COL4A3: variants seen among roughly 807,000 people sequenced by gnomAD.
COL4A3 encodes collagen type IV alpha 3 chain, also known as collagen alpha-3(IV) chain.
A neutral mutation model predicts 217.4 loss-of-function variants in COL4A3; 135 were observed. The observed-to-expected ratio is 0.62, with a 90% confidence interval of 0.54 to 0.72. The LOEUF is 0.72. Among genes scored for constraint, COL4A3 ranks in the 30% least tolerant of loss-of-function variants. The pLI, the probability that COL4A3 is intolerant of heterozygous loss-of-function variation, is 0.00. For missense variants in COL4A3, 1,868 were observed against 2,119.9 expected (o/e 0.88, Z 2.33); for synonymous variants, 690 against 736.3 (o/e 0.94, Z 1.02).
intron 3 of COL4A3, among the ~76,000 whole-genome samples, chr2:227,243,609 A>T (rs1312380162): frequency 6.6e-6 from 1 of 152,198 alleles, no homozygotes; most frequent in Non-Finnish European, 1.5e-5. Context: ...AAATAATAAC[A>T]ATAAAATTAA....
rs1046702333 is a variant in COL4A3, at chr2:227,219,899, G to A, written c.88-18069G>A. Among the ~76,000 whole-genome samples, 4 of 152,124 alleles carry A rather than the reference G, an allele frequency of 2.6e-5. No individual in the cohort carries two copies. The South Asian group carries it at 8.3e-4, about 31-fold the overall frequency. On this transcript the variant is annotated intron_variant, in intron 1 of 51. Transcript: ENST00000396578. Reference sequence around the variant, plus strand: ...TTTGTAACCCCAGTGCTGTCTAGAGGTATCCTGTCCTTTGAGGTTTAAAAC... The same window carrying A: ...TTTGTAACCCCAGTGCTGTCTAGAGATATCCTGTCCTTTGAGGTTTAAAAC...
chr2:227,198,833 A>C (rs974915400), intron 1 of COL4A3, among the ~76,000 whole-genome samples: 1 of 152,208 alleles, frequency 6.6e-6, no homozygotes, highest in Non-Finnish European at 1.5e-5. Flanking sequence ...ACCATTAAAA[A>C]TCATTTTGAT....
intron 1 of COL4A3, among the ~76,000 whole-genome samples, chr2:227,167,964 T>C (rs2065337959): frequency 6.6e-6 from 1 of 152,246 alleles, no homozygotes; most frequent in South Asian, 2.1e-4. Flanking sequence ...ATGTGATAAA[T>C]AGTTTCACAT....
rs920413118 is a variant in COL4A3, at chr2:227,284,229, G to A, written c.2765G>A (p.Gly922Glu). The A allele has an allele frequency of 1.2e-6, 2 of 1,614,086 alleles. No individual in the cohort carries two copies. Among genetic ancestry groups the A allele is most frequent in the Non-Finnish European group, 1.7e-6 (2 of 1,179,994 alleles). Residue 922 changes from glycine to glutamate, a missense_variant, in exon 34 of 52, where the codon GGA becomes GAA. Coordinates refer to ENST00000396578, the MANE Select transcript of COL4A3 (RefSeq NM_000091.5). ...CTGTTAGGGAGCCCTGGAATTCCAG[G>A]AGTAAAGGGCCAGAGAGGAACCCCA... ...PGQRGSPGIP[G>E]VKGQRGTPGA...
intron 1 of COL4A3, among the ~76,000 whole-genome samples, chr2:227,199,442 C>G (rs1290017655): frequency 5.3e-5 from 8 of 152,132 alleles, no homozygotes; most frequent in Admixed American, 5.2e-4. Flanking sequence ...AATCAATGCC[C>G]TGTTGTAGTT....
chr2:227,187,826 C>G (rs1344191517), intron 1 of COL4A3, among the ~76,000 whole-genome samples: 1 of 152,186 alleles, frequency 6.6e-6, no homozygotes, highest in Non-Finnish European at 1.5e-5. Context: ...TCTACCTTCT[C>G]TCTGTTTATC....
At chr2:227,225,969 C>T (rs2068067528) in intron 1 of COL4A3, among the ~76,000 whole-genome samples, 1 of 152,116 alleles carries the variant, frequency 6.6e-6, no homozygotes, top group Non-Finnish European at 1.5e-5. Context: ...GCCTCGGCTT[C>T]CCAAAGTGCT....
intron 17 of COL4A3, among the ~76,000 whole-genome samples, chr2:227,257,355 T>C (rs1003181050): frequency 1.3e-5 from 2 of 152,132 alleles, no homozygotes; most frequent in African/African-American, 4.8e-5. Flanking sequence ...GCAGATGGTG[T>C]TGTGAAAGAA....
rs573527081 is a variant in COL4A3 at position 227,253,637 on chromosome 2, C to A, written c.764C>A (p.Thr255Lys). ...IVTLTGPDNR[T>K]DLKGEKGDKG... ...ACCCTAACTGGCCCAGATAACAGAA[C>A]GGTAACTCTGCGATTTTATGATTAG... Residue 255 changes from threonine to lysine, a missense_variant and splice_region_variant, in exon 13 of 52, where the codon ACG (threonine) becomes AAG (lysine). By Grantham distance (78) the Thr-to-Lys change is moderately conservative (BLOSUM62 -1). Around this residue, in one of 2 missense-constraint regions of COL4A3, gnomAD observed 365 missense variants for 333.8 expected, o/e 1.09. Transcript: ENST00000396578. The surrounding 1 kb of genome is among the most constrained non-coding windows in gnomAD (Gnocchi z 4.4). The A allele has an allele frequency of 4.3e-6, 7 of 1,613,332 alleles. No homozygotes were observed. The South Asian group carries it at 5.5e-5, about 13-fold the overall frequency.
chr2:227,204,166 C>A (rs1574563665), intron 1 of COL4A3, among the ~76,000 whole-genome samples: 1 of 152,070 alleles, frequency 6.6e-6, no homozygotes, highest in East Asian at 1.9e-4. Flanking sequence ...CATTTACTAG[C>A]CGGGTGACTT....
At chr2:227,179,624 C>T (rs576179738) in intron 1 of COL4A3, among the ~76,000 whole-genome samples, 5 of 152,228 alleles carry the variant, frequency 3.3e-5, no homozygotes, top group South Asian at 2.1e-4. Context: ...AAGAATAAAA[C>T]GTTATTTTGG....
chr2:227,202,801 T>C (rs1318564867), intron 1 of COL4A3, among the ~76,000 whole-genome samples: 1 of 107,558 alleles, frequency 9.3e-6, no homozygotes, highest in East Asian at 2.1e-4. Context: ...TGTATATATA[T>C]AATATGTGTA....
At chr2:227,190,764 A>G (rs1187155599) in intron 1 of COL4A3, among the ~76,000 whole-genome samples, 2 of 152,138 alleles carry the variant, frequency 1.3e-5, no homozygotes, top group South Asian at 4.1e-4. Context: ...AAAATTAGTC[A>G]GGCCTGGTGG....
chr2:227,197,305 C>T (rs1261541018), intron 1 of COL4A3, among the ~76,000 whole-genome samples: 1 of 152,124 alleles, frequency 6.6e-6, no homozygotes, highest in Admixed American at 6.6e-5. Context: ...CAACCTCCAC[C>T]TCCCTGGGTT....
At chr2:227,295,337 G>A in intron 41 of COL4A3, 21 bp downstream of exon 41, 2 of 1,610,566 alleles carry the variant, frequency 1.2e-6, no homozygotes, top group East Asian at 2.2e-5. Context: ...CTTCTTCCCT[G>A]TCCTAATGTA....
chr2:227,221,645 C>T (rs1280821366), intron 1 of COL4A3, among the ~76,000 whole-genome samples: 1 of 152,064 alleles, frequency 6.6e-6, no homozygotes, highest in African/African-American at 2.4e-5. Flanking sequence ...TGACATTTCA[C>T]TTCTTTCTTT....
chr2:227,202,935 G>A lies in COL4A3; in HGVS notation c.88-35033G>A, dbSNP rs1360826413. On this transcript the variant is annotated intron_variant, in intron 1 of 51. Coordinates refer to ENST00000396578, the MANE Select transcript of COL4A3 (RefSeq NM_000091.5). The stretch of plus-strand genomic sequence containing the variant: ...TATATACATATATGTGTATATATGT[G>A]TATATATGTGTATATATACATATAT... Among the ~76,000 whole-genome samples the A allele has an allele frequency of 3.7e-4, 11 of 30,030 alleles. 2 individuals are homozygous for A. The highest frequency in any genetic ancestry group is 1.4e-3 in the Admixed American group (3 of 2,190). 19.7% of individuals were successfully genotyped at this position (30,030 alleles called of 152,430 possible). A position where few individuals can be genotyped will look rare whatever the true frequency, so the allele number is the denominator to read the frequency against.
At position 227,272,894 on chromosome 2, in the gene COL4A3, G is replaced by A. The variant is rs541976274; in HGVS notation, c.1759-55G>A. The A allele has an allele frequency of 2.6e-5, 41 of 1,564,246 alleles. No individual in the cohort carries two copies. In the African/African-American group the frequency reaches 5.1e-4, roughly 20 times the overall value. Reference sequence around the variant, plus strand: ...TTCATATTTGGAGGATGATTAACCTGTTGTAAGAATATACTGGAATGAAGC... The same window carrying A: ...TTCATATTTGGAGGATGATTAACCTATTGTAAGAATATACTGGAATGAAGC... On this transcript the variant is annotated intron_variant, in intron 25 of 51. Transcript: ENST00000396578.
Position 227,240,164 on chromosome 2 carries a change from C to T in COL4A3, c.166C>T (p.Pro56Ser), listed in dbSNP as rs1204689662. 1.9e-6 allele frequency: 3 copies of T among 1,609,498 alleles called. No individual in the cohort carries two copies. The highest frequency in any genetic ancestry group is 1.7e-6 in the Non-Finnish European group (2 of 1,177,968). The change falls in exon 3 of 52, where the codon CCC becomes TCC. Residue 56 changes from proline (P) to serine (S), a missense_variant. Coordinates refer to ENST00000396578, the MANE Select transcript of COL4A3 (RefSeq NM_000091.5). The stretch of plus-strand genomic sequence containing the variant: ...ACAGGGGGAGAAGGGCTTTCCTGGA[C>T]CCCCCGGTTCTCCTGGCCAGAAAGG... ...GEKGEKGFPG[P>S]PGSPGQKGFT...
Sources: allele counts gnomAD v4.1 joint callset (sites outside exome capture counted in the v4.1 genomes callset), GRCh38; gene constraint gnomAD v4.1.1; regional missense constraint gnomAD v4.1.1; non-coding constraint Gnocchi (gnomAD v3.1); transcripts MANE v1.5; gene names NCBI Gene and HGNC (gene_info 2026-07-23, HGNC 2026-07-21).